ABHD17C: variants seen among roughly 807,000 people sequenced by gnomAD.
The protein encoded by ABHD17C is abhydrolase domain containing 17C, depalmitoylase, also known as alpha/beta hydrolase domain-containing protein 17C.
In ABHD17C, 11 loss-of-function variants were observed where a neutral mutation model predicts 27.9. The observed-to-expected ratio is 0.39, with a 90% confidence interval of 0.25 to 0.65. ABHD17C has a LOEUF of 0.65. Ranked by LOEUF, ABHD17C falls within the 30% of genes least tolerant of loss-of-function variation. The pLI is 0.45. For synonymous variants in ABHD17C, 233 were observed against 209.1 expected (o/e 1.11, Z -0.98); for missense variants, 280 against 470.2 (o/e 0.60, Z 3.74).
Position 80,721,213 on chromosome 15 carries a change from CTTTT to C in ABHD17C, c.590+25204_590+25207del, listed in dbSNP as rs71455351. The stretch of plus-strand genomic sequence containing the variant: ...TTTGTGTTTACCCATCATTTTTTGT[CTTTT>C]TTTTTTTTTAACTCTTTGACTTCCC... On this transcript the variant is annotated intron_variant, in intron 1 of 2. Coordinates refer to ENST00000258884, the MANE Select transcript of ABHD17C (RefSeq NM_021214.2). Among the ~76,000 whole-genome samples the C allele has an allele frequency of 4.9e-5, 7 of 143,156 alleles. No homozygotes were observed. In the South Asian group the frequency reaches 6.6e-4, roughly 13 times the overall value. The allele number at this position is 143,156 out of a possible 152,430, so 93.9% of individuals were successfully genotyped here.
intron 1 of ABHD17C, among the ~76,000 whole-genome samples, chr15:80,727,722 CAT>C (rs931660781): frequency 1.3e-5 from 2 of 152,014 alleles, no homozygotes; most frequent in African/African-American, 4.8e-5. Context: ...AGTCGGGTGA[CAT>C]GTGTGCTGTT....
intron 1 of ABHD17C, 40 bp downstream of exon 1, chr15:80,696,059 G>A (rs1176366768): frequency 2.0e-6 from 3 of 1,507,282 alleles, no homozygotes; most frequent in Non-Finnish European, 8.9e-7. Flanking sequence ...TTCCAGCTGT[G>A]GGGAGGCGGG....
At chr15:80,723,692 A>G (rs1894930263) in intron 1 of ABHD17C, among the ~76,000 whole-genome samples, 2 of 152,230 alleles carry the variant, frequency 1.3e-5, no homozygotes, top group South Asian at 4.1e-4. Flanking sequence ...GTCTCTGTTC[A>G]GGCACAACTT....
chr15:80,703,227 C>G (rs944863897), intron 1 of ABHD17C: 17 of 152,254 alleles, frequency 1.1e-4, no homozygotes, highest in African/African-American at 3.9e-4. Flanking sequence ...GATAAAGAAG[C>G]TTCTCTGAGA....
intron 1 of ABHD17C, among the ~76,000 whole-genome samples, chr15:80,744,473 A>G (rs527516759): frequency 4.6e-5 from 7 of 152,210 alleles, no homozygotes; most frequent in Admixed American, 1.3e-4. Flanking sequence ...CTTTCACAGA[A>G]TTATCTACCT....
intron 1 of ABHD17C, among the ~76,000 whole-genome samples, chr15:80,718,347 T>A (rs1168560452): frequency 6.6e-6 from 1 of 152,152 alleles, no homozygotes; most frequent in Non-Finnish European, 1.5e-5. Context: ...TTATTTATTT[T>A]TTTGAAATAG....
chr15:80,714,419 C>T (rs970831155), intron 1 of ABHD17C, among the ~76,000 whole-genome samples: 2 of 152,212 alleles, frequency 1.3e-5, no homozygotes, highest in Admixed American at 1.3e-4. Flanking sequence ...TTCACAAATG[C>T]AGAAACTTAG....
intron 2 of ABHD17C, 128 bp downstream of exon 2, chr15:80,749,820 C>T: frequency 1.7e-6 from 2 of 1,165,770 alleles, no homozygotes; most frequent in East Asian, 5.1e-5. Context: ...CTGGGTGCCA[C>T]AGGGCATGTG....
intron 1 of ABHD17C, among the ~76,000 whole-genome samples, chr15:80,697,046 A>T (rs1009509810): frequency 6.6e-6 from 1 of 152,104 alleles, no homozygotes; most frequent in African/African-American, 2.4e-5. Context: ...ACCCTTCTAT[A>T]GTTTTTATCT....
At chr15:80,720,050 T>C (rs900414918) in intron 1 of ABHD17C, among the ~76,000 whole-genome samples, 1 of 152,198 alleles carries the variant, frequency 6.6e-6, no homozygotes. Flanking sequence ...CCCTCCCACC[T>C]TAGCCTCCCA....
At chr15:80,749,346 G>GTTT (rs1895336360) in intron 1 of ABHD17C, among the ~76,000 whole-genome samples, 167 bp from the exon 2 acceptor site, 1 of 152,162 alleles carries the variant, frequency 6.6e-6, no homozygotes, top group African/African-American at 2.4e-5. Context: ...CCTAACAATT[G>GTTT]TTTTTGTCAA....
intron 1 of ABHD17C, among the ~76,000 whole-genome samples, chr15:80,714,826 A>AT (rs1894781137): frequency 1.3e-5 from 2 of 152,188 alleles, no homozygotes; most frequent in Admixed American, 1.3e-4. Context: ...TACTTAATAT[A>AT]TTTTTGGATT....
At chr15:80,748,637 A>G (rs2141523123) in intron 1 of ABHD17C, among the ~76,000 whole-genome samples, 1 of 150,742 alleles carries the variant, frequency 6.6e-6, no homozygotes, top group Middle Eastern at 3.4e-3. Context: ...CCTTTGTAGG[A>G]TAATAAGAGA....
chr15:80,748,692 T>C (rs981097107), intron 1 of ABHD17C, among the ~76,000 whole-genome samples: 3 of 144,338 alleles, frequency 2.1e-5, no homozygotes, highest in Non-Finnish European at 3.0e-5. Context: ...CACCATCATA[T>C]CTAGGGTGCC....
intron 1 of ABHD17C, among the ~76,000 whole-genome samples, chr15:80,714,233 G>A (rs976117951): frequency 5.6e-4 from 85 of 152,216 alleles, no homozygotes; most frequent in Non-Finnish European, 1.9e-4. Context: ...TAGGATTACA[G>A]GCGTGAGCCA....
chr15:80,721,075 A>G (rs932458695), intron 1 of ABHD17C, among the ~76,000 whole-genome samples: 3 of 151,874 alleles, frequency 2.0e-5, no homozygotes, highest in Admixed American at 6.6e-5. Context: ...TACAACTTCT[A>G]TTATACTGAC....
At chr15:80,711,503 T>G (rs1168203847) in intron 1 of ABHD17C, among the ~76,000 whole-genome samples, 1 of 152,142 alleles carries the variant, frequency 6.6e-6, no homozygotes. Flanking sequence ...TTGCCAGAGG[T>G]CTTGTCATTA....
intron 1 of ABHD17C, among the ~76,000 whole-genome samples, chr15:80,715,719 C>A (rs778119043): frequency 5.9e-5 from 9 of 152,166 alleles, no homozygotes; most frequent in Non-Finnish European, 1.3e-4. Flanking sequence ...TTCTGTGCAG[C>A]CCACATGGCT....
rs1555421862 is a variant in ABHD17C at position 80,705,333 on chromosome 15, TTGTG to T, written c.590+9345_590+9348del. ...CCTGCAGTTCTGAGCTTCCTATGAT[TTGTG>T]TGTGTGTGTGTGTGTGTGTGTGTGT... On this transcript the variant is annotated intron_variant, in intron 1 of 2. Transcript: ENST00000258884. Among the ~76,000 whole-genome samples the T allele has an allele frequency of 3.4e-3, 367 of 106,888 alleles. 5 individuals carry two copies. The highest frequency in any genetic ancestry group is 0.011 in the African/African-American group (323 of 28,450). The allele number at this position is 106,888 out of a possible 152,430, so 70.1% of individuals were successfully genotyped here.
Sources: gnomAD v4.1 joint callset for allele counts (sites outside exome capture counted in the v4.1 genomes callset) on GRCh38, gnomAD v4.1.1 for gene constraint, MANE v1.5 for transcripts, NCBI Gene and HGNC (gene_info 2026-07-23, HGNC 2026-07-21) for gene names.